GAS7: variants seen among roughly 807,000 people sequenced by gnomAD.
GAS7 encodes the protein growth arrest-specific protein 7.
A neutral mutation model predicts 71.1 loss-of-function variants in GAS7; 28 were observed. That is an observed-to-expected ratio of 0.39 (90% CI 0.29 to 0.54). The LOEUF (loss-of-function observed/expected upper bound fraction) is 0.54, where lower values mean the gene tolerates loss of function less well. Ranked by LOEUF, GAS7 falls within the 20% of genes least tolerant of loss-of-function variation. The pLI is 0.62. For synonymous variants in GAS7, 258 were observed against 245.8 expected (o/e 1.05, Z -0.46); for missense variants, 436 against 627.8 (o/e 0.69, Z 3.27).
intron 1 of GAS7, among the ~76,000 whole-genome samples, chr17:10,142,624 T>A (rs1162704983): frequency 6.6e-6 from 1 of 152,118 alleles, no homozygotes; most frequent in African/African-American, 2.4e-5. Flanking sequence ...AGTCCTGGGA[T>A]TACAGGCATG....
chr17:10,086,060 G>T (rs1432311831), intron 1 of GAS7, among the ~76,000 whole-genome samples: 2 of 152,204 alleles, frequency 1.3e-5, no homozygotes, highest in African/African-American at 4.8e-5. Context: ...GGTCAACTGT[G>T]TACACTGAGC....
rs1284030247 is a variant in GAS7 at position 10,050,542 on chromosome 17, A to G, written c.184-30645T>C. Among the ~76,000 whole-genome samples the G allele has an allele frequency of 2.0e-5, 3 of 152,144 alleles. No individual in the cohort carries two copies. In the South Asian group the frequency reaches 6.2e-4, roughly 32 times the overall value. ...ACCCCCATGACTAGAGGGCTAGCAC[A>G]TGGTCAGATGGCACAGCAGAACCAA... On this transcript the variant is annotated intron_variant, in intron 1 of 13. Coordinates refer to ENST00000432992, the MANE Select transcript of GAS7 (RefSeq NM_201433.2).
chr17:10,162,704 C>T (rs2074265679), intron 1 of GAS7, among the ~76,000 whole-genome samples: 1 of 152,126 alleles, frequency 6.6e-6, no homozygotes, highest in Non-Finnish European at 1.5e-5. Context: ...AAATTAGTTG[C>T]CTATTAAAAA....
chr17:10,181,399 A>C (rs71358287), intron 1 of GAS7, among the ~76,000 whole-genome samples: 5,521 of 151,932 alleles, frequency 0.036, 231 homozygotes, highest in East Asian at 0.23. Context: ...ATATATCTCA[A>C]TAGAGCTGTC....
intron 1 of GAS7, among the ~76,000 whole-genome samples, chr17:10,020,684 G>A (rs2072232488): frequency 6.6e-6 from 1 of 152,108 alleles, no homozygotes; most frequent in Non-Finnish European, 1.5e-5. Flanking sequence ...GGCCGAGGCG[G>A]GCGGATTGCC....
chr17:10,137,488 G>C (rs2074048006), intron 1 of GAS7, among the ~76,000 whole-genome samples: 4 of 151,572 alleles, frequency 2.6e-5, no homozygotes, highest in Admixed American at 2.0e-4. Flanking sequence ...TGCCTACTTT[G>C]TAACTGCTGT....
intron 1 of GAS7, among the ~76,000 whole-genome samples, chr17:10,041,348 G>A (rs926284395): frequency 3.3e-5 from 5 of 152,104 alleles, no homozygotes; most frequent in Admixed American, 6.5e-5. Context: ...ATTAACAGCC[G>A]TCTCCGACAC....
At chr17:10,094,606 C>A (rs1051416783) in intron 1 of GAS7, among the ~76,000 whole-genome samples, 1 of 152,008 alleles carries the variant, frequency 6.6e-6, no homozygotes, top group African/African-American at 2.4e-5. Flanking sequence ...GTAGCTGAGA[C>A]CACAGACACG....
At chr17:10,136,411 G>T (rs530364961) in intron 1 of GAS7, among the ~76,000 whole-genome samples, 1 of 152,176 alleles carries the variant, frequency 6.6e-6, no homozygotes, top group Admixed American at 6.5e-5. Flanking sequence ...TCCCAACTCC[G>T]CATCAACGGT....
intron 1 of GAS7, among the ~76,000 whole-genome samples, chr17:10,050,863 C>A (rs1258814085): frequency 6.6e-6 from 1 of 152,160 alleles, no homozygotes; most frequent in East Asian, 1.9e-4. Context: ...AAGACTCCAG[C>A]AGCTTCTAGA....
intron 1 of GAS7, among the ~76,000 whole-genome samples, chr17:10,025,298 G>A (rs2072423841): frequency 2.0e-5 from 3 of 151,772 alleles, no homozygotes; most frequent in Non-Finnish European, 4.4e-5. Context: ...CTTCTATCCA[G>A]TTACCTTAAA....
rs1277792189 is a variant in GAS7 at position 9,981,482 on chromosome 17, T to C, written c.385+322A>G. On this transcript the variant is annotated intron_variant, in intron 3 of 13. Transcript: ENST00000432992. This position sits in a 1 kb window ranked among gnomAD's most constrained non-coding sequence, Gnocchi z 4.4. ...CTCCGTGATGTCCACAAGAGCCACA[T>C]AGGGTGGTTCTGTCCACACTTCAGG... Among the ~76,000 whole-genome samples the C allele has an allele frequency of 2.0e-5, 3 of 152,100 alleles. No individual in the cohort carries two copies. The highest frequency in any genetic ancestry group is 2.9e-5 in the Non-Finnish European group (2 of 68,018).
At chr17:10,029,223 G>C (rs2152217507) in intron 1 of GAS7, among the ~76,000 whole-genome samples, 1 of 152,330 alleles carries the variant, frequency 6.6e-6, no homozygotes. Flanking sequence ...GGTGCATGAT[G>C]GGGAAAATAC....
At chr17:9,965,752 A>C (rs140927009) in intron 4 of GAS7, among the ~76,000 whole-genome samples, 2 of 152,194 alleles carry the variant, frequency 1.3e-5, no homozygotes, top group African/African-American at 2.4e-5. Flanking sequence ...GCATTTACCC[A>C]GTACCTGGGC....
At chr17:10,174,428 C>A (rs55657120) in intron 1 of GAS7, among the ~76,000 whole-genome samples, 30,367 of 151,936 alleles carry the variant, frequency 0.2, 3,058 homozygotes, top group Middle Eastern at 0.26. Flanking sequence ...CGCGGTGGCT[C>A]ACATCTATAA....
At chr17:10,115,010 A>G (rs2073847083) in intron 1 of GAS7, among the ~76,000 whole-genome samples, 1 of 152,166 alleles carries the variant, frequency 6.6e-6, no homozygotes, top group South Asian at 2.1e-4. Context: ...TCATGCTCCA[A>G]GCTGTCCTCT....
chr17:9,967,302 G>T (rs978411674), intron 4 of GAS7, among the ~76,000 whole-genome samples: 4 of 151,816 alleles, frequency 2.6e-5, no homozygotes, highest in African/African-American at 4.8e-5. Context: ...TAGACCAAAG[G>T]TTCTCAACTT....
intron 2 of GAS7, among the ~76,000 whole-genome samples, chr17:10,006,762 G>A (rs1353269472): frequency 6.6e-6 from 1 of 152,092 alleles, no homozygotes; most frequent in Non-Finnish European, 1.5e-5. Context: ...TATAAGACCT[G>A]CCATTACATC....
rs28375228 is a variant in GAS7, at chr17:9,960,231, C to T, written c.472-976G>A. On this transcript the variant is annotated intron_variant, in intron 4 of 13. Coordinates refer to ENST00000432992, the MANE Select transcript of GAS7 (RefSeq NM_201433.2). ...TTAAGATGGAGTGTCATTCTGTCAC[C>T]CAGGTTGGAGTGCAGTGGCGTGATC... Among the ~76,000 whole-genome samples the T allele has an allele frequency of 6.8e-3, 1,038 of 151,856 alleles. 9 individuals are homozygous for T. The highest frequency in any genetic ancestry group is 0.024 in the African/African-American group (997 of 41,408).
Sources: gnomAD v4.1 joint callset for allele counts (sites outside exome capture counted in the v4.1 genomes callset) on GRCh38, gnomAD v4.1.1 for gene constraint, Gnocchi (gnomAD v3.1) non-coding constraint, MANE v1.5 for transcripts, NCBI Gene and HGNC (gene_info 2026-07-23, HGNC 2026-07-21) for gene names.